Variants in GAB2 observed in about 807,000 individuals in gnomAD.
GAB2 encodes GRB2-associated-binding protein 2.
In GAB2, 26 loss-of-function variants were observed where a neutral mutation model predicts 65.5. The ratio of observed to expected loss-of-function variants is 0.40; its 90% CI spans 0.29 to 0.55. GAB2 has a LOEUF of 0.55. Ranked by LOEUF, GAB2 falls within the 20% of genes least tolerant of loss-of-function variation. The pLI, the probability that GAB2 is intolerant of heterozygous loss-of-function variation, is 0.53. For synonymous variants in GAB2, 321 were observed against 329.6 expected (o/e 0.97, Z 0.28); for missense variants, 884 against 875.8 (o/e 1.01, Z -0.12).
chr11:78,389,302 G>A (rs975450446), intron 1 of GAB2, among the ~76,000 whole-genome samples: 6 of 145,506 alleles, frequency 4.1e-5, no homozygotes, highest in Admixed American at 2.8e-4. Context: ...AGAAAAGCAT[G>A]TGGTTTTCCT....
intron 1 of GAB2, among the ~76,000 whole-genome samples, chr11:78,340,327 T>C (rs1266793574): frequency 6.6e-6 from 1 of 152,146 alleles, no homozygotes; most frequent in African/African-American, 2.4e-5. Flanking sequence ...AAGACAGTCT[T>C]TCTCTTTGGC....
At chr11:78,265,203 C>CATATATATATATATATATATATAT (rs10530509) in intron 2 of GAB2, among the ~76,000 whole-genome samples, 27 of 144,910 alleles carry the variant, frequency 1.9e-4, no homozygotes, top group East Asian at 6.0e-4. Context: ...TTCTATACCA[C>CATATATATATATATATATATATAT]ATATATATAT....
chr11:78,332,228 A>G (rs1855927777), intron 1 of GAB2, among the ~76,000 whole-genome samples: 1 of 152,216 alleles, frequency 6.6e-6, no homozygotes. Context: ...GGAAACTTAC[A>G]TGAAAAGCAG....
chr11:78,357,547 A>G (rs369466306), intron 1 of GAB2, among the ~76,000 whole-genome samples: 2 of 152,120 alleles, frequency 1.3e-5, no homozygotes, highest in Non-Finnish European at 2.9e-5. Context: ...GAATCTACAA[A>G]GAACTCAAAC....
At chr11:78,251,113 TTA>T (rs142239882) in intron 2 of GAB2, among the ~76,000 whole-genome samples, 23,553 of 138,580 alleles carry the variant, frequency 0.17, 2,337 homozygotes, top group East Asian at 0.4. Flanking sequence ...AAGTTGAAAT[TTA>T]AAAAAAAAAT....
At chr11:78,371,512 C>T (rs1160023237) in intron 1 of GAB2, among the ~76,000 whole-genome samples, 2 of 152,218 alleles carry the variant, frequency 1.3e-5, no homozygotes, top group Non-Finnish European at 2.9e-5. Context: ...TTCAATCCCT[C>T]TTCCGTGTTC....
intron 3 of GAB2, among the ~76,000 whole-genome samples, chr11:78,234,715 A>G (rs1278096218): frequency 2.6e-5 from 4 of 151,834 alleles, no homozygotes; most frequent in Non-Finnish European, 5.9e-5. Flanking sequence ...CCTTTCACCA[A>G]TACAACATTA....
At chr11:78,268,059 G>A (rs147506511) in intron 2 of GAB2, among the ~76,000 whole-genome samples, 64 of 152,142 alleles carry the variant, frequency 4.2e-4, no homozygotes, top group Admixed American at 9.2e-4. Context: ...TTGTGTGCCA[G>A]CCTTCCCAAG....
intron 1 of GAB2, among the ~76,000 whole-genome samples, chr11:78,356,568 G>C (rs1044358866): frequency 1.3e-5 from 2 of 152,102 alleles, no homozygotes; most frequent in Non-Finnish European, 2.9e-5. Flanking sequence ...CCTATAGTAG[G>C]TATAAGACTT....
chr11:78,401,813 T>C (rs991851762), intron 1 of GAB2, among the ~76,000 whole-genome samples: 4 of 152,174 alleles, frequency 2.6e-5, no homozygotes, highest in Non-Finnish European at 4.4e-5. Flanking sequence ...ATGTGAATGA[T>C]AAAAAGCTCA....
chr11:78,290,254 G>A (rs1041633929), intron 1 of GAB2, among the ~76,000 whole-genome samples: 1 of 152,192 alleles, frequency 6.6e-6, no homozygotes, highest in Non-Finnish European at 1.5e-5. Context: ...GCTTAAAGAA[G>A]TATATGGATA....
At chr11:78,353,680 T>C (rs1856315278) in intron 1 of GAB2, among the ~76,000 whole-genome samples, 1 of 152,248 alleles carries the variant, frequency 6.6e-6, no homozygotes, top group Non-Finnish European at 1.5e-5. Context: ...ATTTTTAATT[T>C]TACTTGGTTT....
chr11:78,280,650 G>T lies in GAB2; in HGVS notation c.327C>A (p.Val109=). 2 of 1,614,094 alleles carry T rather than the reference G, an allele frequency of 1.2e-6. No homozygotes were observed. The highest frequency in any genetic ancestry group is 1.7e-5 in the Admixed American group (1 of 60,022). ...AETEEDMNKW[V]QSICQICGFN... ...AGCCACAGATCTGGCAGATGCTCTG[G>T]ACCCACTTATTCATGTCCTCTTCTG... is the stretch of plus-strand genomic sequence containing the variant. The change falls in exon 2 of 10, where the codon GTC becomes GTA. Residue 109 remains valine (V), a synonymous_variant. Coordinates refer to ENST00000361507, the MANE Select transcript of GAB2 (RefSeq NM_080491.3).
chr11:78,358,225 C>T (rs936833133), intron 1 of GAB2, among the ~76,000 whole-genome samples: 4 of 141,000 alleles, frequency 2.8e-5, no homozygotes, highest in African/African-American at 1.1e-4. Flanking sequence ...TGTTCTCACT[C>T]ATAGGTGGGA....
intron 1 of GAB2, among the ~76,000 whole-genome samples, chr11:78,379,989 T>G (rs1352998966): frequency 2.0e-5 from 3 of 152,198 alleles, no homozygotes; most frequent in Non-Finnish European, 4.4e-5. Flanking sequence ...TGTAGGCAAA[T>G]ATGGACAATG....
chr11:78,226,050 C>A (rs980853021), intron 4 of GAB2, among the ~76,000 whole-genome samples: 1 of 152,194 alleles, frequency 6.6e-6, no homozygotes, highest in Non-Finnish European at 1.5e-5. Context: ...ATTAAGACCT[C>A]GTTTTGCTTT....
intron 3 of GAB2, among the ~76,000 whole-genome samples, chr11:78,238,300 G>A (rs1297800601): frequency 6.6e-6 from 1 of 151,588 alleles, no homozygotes; most frequent in Non-Finnish European, 1.5e-5. Context: ...AGCTAATGTG[G>A]GAGGATTGCT....
intron 6 of GAB2, 47 bp downstream of exon 6, chr11:78,223,365 T>TC: frequency 7.0e-7 from 1 of 1,425,600 alleles, no homozygotes; most frequent in Middle Eastern, 1.9e-4. Context: ...ATGGAAAGAG[T>TC]CCCTAGCCAC....
intron 1 of GAB2, among the ~76,000 whole-genome samples, chr11:78,295,640 A>C (rs879457441): frequency 9.9e-5 from 15 of 152,178 alleles, no homozygotes; most frequent in Non-Finnish European, 1.8e-4. Flanking sequence ...GGTTCTCAGC[A>C]CAGTTCATGT....
Sources: allele counts gnomAD v4.1 joint callset (sites outside exome capture counted in the v4.1 genomes callset), GRCh38; gene constraint gnomAD v4.1.1; transcripts MANE v1.5; gene names NCBI Gene and HGNC (gene_info 2026-07-23, HGNC 2026-07-21).